MCMDC2: variants seen among roughly 807,000 people sequenced by gnomAD.
MCMDC2 encodes minichromosome maintenance domain containing 2, also known as minichromosome maintenance domain-containing protein 2.
MCMDC2 carries 54 observed loss-of-function variants against 75.8 expected under a neutral mutation model. The observed-to-expected ratio is 0.71, with a 90% confidence interval of 0.57 to 0.89. The LOEUF is 0.89. Ranked by LOEUF, MCMDC2 falls within the 40% of genes least tolerant of loss-of-function variation. The pLI is 0.00. For synonymous variants in MCMDC2, 249 were observed against 274.6 expected (o/e 0.91, Z 0.92); for missense variants, 656 against 780.4 (o/e 0.84, Z 1.90).
At chr8:66,899,929 C>T (rs1812564091) in intron 12 of MCMDC2, among the ~76,000 whole-genome samples, 1 of 149,862 alleles carries the variant, frequency 6.7e-6, no homozygotes, top group Admixed American at 6.7e-5. Flanking sequence ...CGAGACCAGC[C>T]TGGCCAATAT....
intron 13 of MCMDC2, chr8:66,901,670 A>G (rs971563443): frequency 1.9e-6 from 2 of 1,034,298 alleles, no homozygotes; most frequent in South Asian, 3.6e-5. Flanking sequence ...GGTGGCTCAC[A>G]CCTGTAATCC....
intron 14 of MCMDC2, among the ~76,000 whole-genome samples, chr8:66,917,353 A>G (rs1813360810): frequency 6.6e-6 from 1 of 152,208 alleles, no homozygotes; most frequent in Non-Finnish European, 1.5e-5. Context: ...TGTTCAATGA[A>G]TTAATGAATA....
At chr8:66,892,130 C>T (rs987157948) in intron 10 of MCMDC2, among the ~76,000 whole-genome samples, 28 of 152,172 alleles carry the variant, frequency 1.8e-4, no homozygotes, top group African/African-American at 4.1e-4. Context: ...CCCAGCCCAT[C>T]GCCACTTTCT....
rs755645984 is a variant in MCMDC2, at chr8:66,905,292, G to A, written c.1836G>A (p.Leu612=). 46 of 1,491,764 alleles carry A rather than the reference G, an allele frequency of 3.1e-5. 1 individual carries two copies. The highest frequency in any genetic ancestry group is 3.7e-5 in the Non-Finnish European group (41 of 1,116,936). 92.4% of individuals were successfully genotyped at this position (1,491,764 alleles called of 1,614,324 possible). A position where few individuals can be genotyped will look rare whatever the true frequency, so the allele number is the denominator to read the frequency against. Residue 612 remains leucine (L), a synonymous_variant, in exon 14 of 15, where the codon CTG becomes CTA. Transcript: ENST00000422365. ...LRNKVLKEDV[L]IAALLFETSL... is the part of the protein sequence containing the mutation. ...ACAAAGTGCTTAAAGAAGATGTGCT[G>A]ATTGCAGCCTTACTATTTGAAACAT...
chr8:66,922,683 AT>A (rs1236439208), downstream of MCMDC2: 1 of 340,440 alleles, frequency 2.9e-6, no homozygotes, highest in Non-Finnish European at 5.9e-6. Flanking sequence ...AACATCTGTT[AT>A]GATGACTTTC....
At chr8:66,913,962 T>TA (rs961586876) in intron 14 of MCMDC2, among the ~76,000 whole-genome samples, 7,172 of 78,314 alleles carry the variant, frequency 0.092, 433 homozygotes, top group African/African-American at 0.17. Context: ...AGACTCTGTC[T>TA]AAAAAAAAAA....
At chr8:66,897,429 G>C (rs1285963410) in intron 12 of MCMDC2, among the ~76,000 whole-genome samples, 2 of 148,714 alleles carry the variant, frequency 1.3e-5, no homozygotes, top group African/African-American at 4.9e-5. Flanking sequence ...AAGAAAAAAA[G>C]AAAAAAGAAA....
intron 10 of MCMDC2, among the ~76,000 whole-genome samples, chr8:66,894,877 A>C (rs778177585): frequency 1.6e-4 from 25 of 152,174 alleles, no homozygotes; most frequent in Non-Finnish European, 3.1e-4. Flanking sequence ...AGGAAGCCCC[A>C]TACCCATTAG....
chr8:66,885,371 T>A (rs1019190979), intron 9 of MCMDC2, among the ~76,000 whole-genome samples: 1 of 151,716 alleles, frequency 6.6e-6, no homozygotes, highest in African/African-American at 2.4e-5. Context: ...AGGTGGAAAA[T>A]TGTATTTTAT....
At chr8:66,889,938 T>C (rs908729741) in intron 9 of MCMDC2, among the ~76,000 whole-genome samples, 2 of 152,296 alleles carry the variant, frequency 1.3e-5, no homozygotes, top group African/African-American at 4.8e-5. Context: ...CTAGCAAGCC[T>C]AATGCAAAAA....
At chr8:66,902,705 AAAAAAAATATATATATATAT>A (rs1255451118) in intron 13 of MCMDC2, among the ~76,000 whole-genome samples, 1 of 127,864 alleles carries the variant, frequency 7.8e-6, no homozygotes, top group African/African-American at 3.2e-5. Flanking sequence ...AAAAAAAAAA[AAAAAAAATATATATATATAT>A]ATATATATAT....
chr8:66,915,910 G>C (rs1221285684), intron 14 of MCMDC2, among the ~76,000 whole-genome samples: 1 of 152,052 alleles, frequency 6.6e-6, no homozygotes, highest in South Asian at 2.1e-4. Flanking sequence ...TTCTTTCTAA[G>C]AATGAGAGTT....
chr8:66,896,320 C>A lies in MCMDC2; in HGVS notation c.1430C>A (p.Thr477Asn). 2 of 1,606,918 alleles carry A rather than the reference C, an allele frequency of 1.2e-6. No individual in the cohort carries two copies. The highest frequency in any genetic ancestry group is 1.7e-6 in the Non-Finnish European group (2 of 1,178,592). ...SSRRNAQKIN[T>N]LIGQMDCSLI... ...AGGAGAAATGCACAGAAAATCAACA[C>A]TCTAATTGGTCAGATGGTAAGGTAT... The change falls in exon 11 of 15, where the codon ACT (threonine) becomes AAT (asparagine). Residue 477 changes from threonine to asparagine, a missense_variant. Thr to Asn is a moderately conservative substitution (Grantham distance 65). Coordinates refer to ENST00000422365, the MANE Select transcript of MCMDC2 (RefSeq NM_173518.5).
downstream of MCMDC2, among the ~76,000 whole-genome samples, chr8:66,923,566 C>A (rs537512455): frequency 5.3e-5 from 8 of 152,186 alleles, no homozygotes; most frequent in South Asian, 1.7e-3. Context: ...TTCACAGGAA[C>A]TACAGACAAC....
chr8:66,878,342 C>CA (rs1357837662), intron 5 of MCMDC2, among the ~76,000 whole-genome samples: 2 of 152,014 alleles, frequency 1.3e-5, no homozygotes, highest in African/African-American at 4.8e-5. Flanking sequence ...CAGTGCCTTG[C>CA]AAAAAACAGC....
chr8:66,876,104 T>C (rs1161053749), intron 4 of MCMDC2, among the ~76,000 whole-genome samples: 1 of 152,262 alleles, frequency 6.6e-6, no homozygotes, highest in East Asian at 1.9e-4. Context: ...CTCTCCATTA[T>C]ACAATTTCCC....
intron 8 of MCMDC2, among the ~76,000 whole-genome samples, chr8:66,881,335 T>C (rs1379639060): frequency 2.0e-5 from 3 of 152,254 alleles, no homozygotes; most frequent in African/African-American, 4.8e-5. Flanking sequence ...GATTTTTCTA[T>C]ACCACTAGCC....
At chr8:66,885,167 A>G (rs191713886) in intron 9 of MCMDC2, among the ~76,000 whole-genome samples, 256 of 152,016 alleles carry the variant, frequency 1.7e-3, no homozygotes, top group Middle Eastern at 3.4e-3. Flanking sequence ...CCCCGTCTCT[A>G]CTAAAAATAC....
downstream of MCMDC2, among the ~76,000 whole-genome samples, chr8:66,924,557 C>T (rs1446197225): frequency 1.3e-5 from 2 of 151,714 alleles, no homozygotes; most frequent in African/African-American, 4.8e-5. Context: ...CTGCTTGAAC[C>T]CCGGGAGGTG....
Sources: allele counts gnomAD v4.1 joint callset (sites outside exome capture counted in the v4.1 genomes callset), GRCh38; gene constraint gnomAD v4.1.1; transcripts MANE v1.5; gene names NCBI Gene and HGNC (gene_info 2026-07-23, HGNC 2026-07-21).